TDRD1: variants seen among roughly 807,000 people sequenced by gnomAD.
TDRD1 encodes tudor domain containing 1, also known as tudor domain-containing protein 1.
A neutral mutation model predicts 140.6 loss-of-function variants in TDRD1; 37 were observed. The ratio of observed to expected loss-of-function variants is 0.26; its 90% CI spans 0.20 to 0.35. The LOEUF is 0.35. Ranked by LOEUF, TDRD1 falls within the 10% of genes least tolerant of loss-of-function variation. The pLI is 1.00. For missense variants in TDRD1, 1,243 were observed against 1,393.0 expected, an observed-to-expected ratio of 0.89 and a Z score of 1.71; for synonymous variants, 506 against 475.7, an observed-to-expected ratio of 1.06 and a Z score of -0.83.
intron 18 of TDRD1, 83 bp downstream of exon 18, chr10:114,218,667 T>C: frequency 1.9e-6 from 2 of 1,027,360 alleles, no homozygotes; most frequent in Non-Finnish European, 2.8e-6. Context: ...AATGTTAACA[T>C]TTCGTGTGAG....
exon 25 of TDRD1, chr10:114,228,106 A>G (rs1274618168): frequency 1.9e-6 from 3 of 1,598,232 alleles, no homozygotes; most frequent in Non-Finnish European, 2.6e-6. Context: ...AATTTATTGA[A>G]ATGAAAAAAC....
chr10:114,203,718 C>T (rs532702452), intron 8 of TDRD1, 151 bp downstream of exon 8: 119 of 729,700 alleles, frequency 1.6e-4, no homozygotes, highest in Non-Finnish European at 2.4e-4. Flanking sequence ...GCTCTGTTCA[C>T]CTTGCTTCCT....
chr10:114,221,557 G>A, intron 20 of TDRD1, 81 bp downstream of exon 20: 1 of 1,326,684 alleles, frequency 7.5e-7, no homozygotes, highest in Non-Finnish European at 1.1e-6. Flanking sequence ...ATTCCTTTGG[G>A]AATGAAGGGG....
intron 4 of TDRD1, among the ~76,000 whole-genome samples, chr10:114,200,761 C>G (rs1042140261): frequency 1.3e-5 from 2 of 150,644 alleles, no homozygotes; most frequent in African/African-American, 4.9e-5. Context: ...GACCTCACCT[C>G]AAGTGATCCA....
chr10:114,189,587 A>C (rs1367947839), intron 2 of TDRD1, among the ~76,000 whole-genome samples: 1 of 152,160 alleles, frequency 6.6e-6, no homozygotes, highest in African/African-American at 2.4e-5. Flanking sequence ...TGATATTAAC[A>C]CATGAATATT....
Position 114,206,345 on chromosome 10 carries a change from A to T in TDRD1, c.1384+15A>T. On this transcript the variant is annotated intron_variant, in intron 11 of 25. Transcript: ENST00000251864. ...TGCAGATCAAAGTGAGTATAGATTG[A>T]TATTGAACGGTATAGCGACTTCAGT... The T allele has an allele frequency of 6.2e-7, 1 of 1,605,832 alleles. No individual in the cohort carries two copies. The highest frequency in any genetic ancestry group is 1.1e-5 in the South Asian group (1 of 90,814).
In TDRD1 at chr10:114,196,833, CTTTTTTTTTTT is replaced by C. The variant is rs36124319; in HGVS notation, c.385-2320_385-2310del. Among the ~76,000 whole-genome samples the C allele has an allele frequency of 4.7e-3, 228 of 48,352 alleles. 1 individual carries two copies. Among genetic ancestry groups the C allele is most frequent in the East Asian group, 0.021 (30 of 1,400 alleles). 31.7% of individuals were successfully genotyped at this position (48,352 alleles called of 152,430 possible). ...ACCAAATTTGGAAGTTTCTAGCAGTCTTTTTTTTTTTTTTTTTTTTTTTTTTTTTTGAGACA... is the reference window on the plus strand; with the variant it reads ...ACCAAATTTGGAAGTTTCTAGCAGTCTTTTTTTTTTTTTTTTTTTGAGACA... On this transcript the variant is annotated intron_variant, in intron 3 of 25. Coordinates refer to ENST00000251864, the Ensembl canonical transcript of TDRD1.
intron 3 of TDRD1, 108 bp downstream of exon 3, chr10:114,191,127 G>GT (rs2033931269): frequency 1.6e-5 from 20 of 1,231,950 alleles, no homozygotes; most frequent in East Asian, 5.2e-5. Context: ...AAGATCAAAT[G>GT]TTTTTTCTTT....
intron 8 of TDRD1, 88 bp from the exon 9 acceptor site, chr10:114,203,985 G>A: frequency 6.7e-7 from 1 of 1,484,964 alleles, no homozygotes; most frequent in Non-Finnish European, 9.1e-7. Flanking sequence ...CCTTTCCTTT[G>A]CACGTTCTAT....
intron 9 of TDRD1, 51 bp downstream of exon 9, chr10:114,204,267 TGTC>T: frequency 6.5e-7 from 1 of 1,535,998 alleles, no homozygotes; most frequent in Non-Finnish European, 8.7e-7. Context: ...AAGGAGCTGT[TGTC>T]AATGTTTTGA....
chr10:114,183,139 G>A (rs1409675207), intron 1 of TDRD1, among the ~76,000 whole-genome samples: 1 of 152,110 alleles, frequency 6.6e-6, no homozygotes, highest in Non-Finnish European at 1.5e-5. Context: ...CTGTCTATAG[G>A]TAACTGTAAT....
chr10:114,191,104 G>T, intron 3 of TDRD1, 85 bp downstream of exon 3: 1 of 1,383,278 alleles, frequency 7.2e-7, no homozygotes, highest in Non-Finnish European at 1.0e-6. Context: ...TGTTCAATTT[G>T]TAGGTATCAT....
chr10:114,204,756 C>T (rs2034992838), exon 10 of TDRD1: 1 of 1,597,502 alleles, frequency 6.3e-7, no homozygotes, highest in Non-Finnish European at 8.5e-7. Flanking sequence ...GTTATCCCAG[C>T]AGAAGGGAAT....
chr10:114,224,342 C>CT, intron 21 of TDRD1, among the ~76,000 whole-genome samples: 1 of 152,180 alleles, frequency 6.6e-6, no homozygotes, highest in Non-Finnish European at 1.5e-5. Context: ...CTTTCTGGAA[C>CT]TGTTAGTATT....
At chr10:114,229,113 C>T (rs2036608448) in intron 25 of TDRD1, among the ~76,000 whole-genome samples, 1 of 146,184 alleles carries the variant, frequency 6.8e-6, no homozygotes, top group African/African-American at 2.5e-5. Flanking sequence ...AAAAAAAAAA[C>T]AACCTCTAAT....
chr10:114,228,023 C>G lies in TDRD1; in HGVS notation c.3451-15C>G. 1 of 1,609,950 alleles carries G rather than the reference C, an allele frequency of 6.2e-7. No homozygotes were observed. ...TTTTAGAAATTAAATCATATGGTTT[C>G]TTTTTCACCCACAGGTTGAAAAACA... On this transcript the variant is annotated splice_polypyrimidine_tract_variant and intron_variant, in intron 24 of 25. Transcript: ENST00000251864.
chr10:114,175,259 T>G (rs1171659216), upstream of TDRD1, among the ~76,000 whole-genome samples: 1 of 152,204 alleles, frequency 6.6e-6, no homozygotes, highest in Admixed American at 6.5e-5. Context: ...GAAGAAACCT[T>G]AAGCTGTTTT....
chr10:114,231,772 A>G, exon 26 of TDRD1: 1 of 440,946 alleles, frequency 2.3e-6, no homozygotes, highest in South Asian at 4.7e-5. Context: ...TTTCTGCTAT[A>G]TATGTAACTT....
intron 25 of TDRD1, chr10:114,228,402 A>G (rs2036564442): frequency 5.2e-6 from 6 of 1,160,282 alleles, no homozygotes; most frequent in Non-Finnish European, 4.3e-6. Flanking sequence ...TGCCTATGTT[A>G]TTGATATGTG....
Sources: gnomAD v4.1 joint callset for allele counts (sites outside exome capture counted in the v4.1 genomes callset) on GRCh38, gnomAD v4.1.1 for gene constraint, MANE v1.5 for transcripts, NCBI Gene and HGNC (gene_info 2026-07-23, HGNC 2026-07-21) for gene names.